UBR1: variants seen among roughly 807,000 people sequenced by gnomAD.
UBR1 encodes E3 ubiquitin-protein ligase UBR1.
In UBR1, 102 loss-of-function variants were observed where a neutral mutation model predicts 242.1. The observed-to-expected ratio is 0.42, with a 90% CI of 0.36 to 0.50. The LOEUF (loss-of-function observed/expected upper bound fraction) is 0.50, where lower values mean the gene tolerates loss of function less well. Among genes scored for constraint, UBR1 ranks in the 20% least tolerant of loss-of-function variants. UBR1 has a pLI of 0.01. For missense variants in UBR1, 1,772 were observed against 2,101.8 expected (o/e 0.84, Z 3.07); for synonymous variants, 675 against 684.8 (o/e 0.99, Z 0.22).
chr15:42,958,380 C>T (rs1013555407), intron 43 of UBR1, among the ~76,000 whole-genome samples: 1 of 152,150 alleles, frequency 6.6e-6, no homozygotes, highest in African/African-American at 2.4e-5. Flanking sequence ...TAGTTAAGAA[C>T]ACAGCCTTTG....
intron 1 of UBR1, among the ~76,000 whole-genome samples, chr15:43,103,017 A>C (rs2034257059): frequency 6.6e-6 from 1 of 152,070 alleles, no homozygotes; most frequent in South Asian, 2.1e-4. Flanking sequence ...AAAATACAAA[A>C]ATCAGCCAGG....
intron 30 of UBR1, among the ~76,000 whole-genome samples, chr15:43,005,364 C>T (rs548849144): frequency 6.6e-6 from 1 of 151,234 alleles, no homozygotes; most frequent in African/African-American, 2.4e-5. Flanking sequence ...GCCGCCCCAT[C>T]CGGGAGGGAG....
At chr15:42,951,887 T>C (rs1362587070) in intron 45 of UBR1, among the ~76,000 whole-genome samples, 2 of 152,162 alleles carry the variant, frequency 1.3e-5, no homozygotes, top group African/African-American at 4.8e-5. Context: ...GCTGGGATTA[T>C]AGGCATAAGT....
intron 45 of UBR1, among the ~76,000 whole-genome samples, chr15:42,951,567 G>A (rs1366167321): frequency 6.6e-6 from 1 of 152,158 alleles, no homozygotes; most frequent in Non-Finnish European, 1.5e-5. Context: ...TGAAAGACCA[G>A]GAGAAATGGT....
In UBR1 at chr15:43,014,522, C is replaced by T. The variant is rs188630276; in HGVS notation, c.3209+1166G>A. ...CCATCGTCTGAGATGTGGGGAGCGC[C>T]TCTGCCCCACCGCCCCGTCTGGGAT... On this transcript the variant is annotated intron_variant, in intron 29 of 46. Coordinates refer to ENST00000290650, the MANE Select transcript of UBR1 (RefSeq NM_174916.3). Among the ~76,000 whole-genome samples the T allele has an allele frequency of 1.8e-3, 271 of 152,040 alleles. 2 individuals carry two copies. The highest frequency in any genetic ancestry group is 6.3e-3 in the African/African-American group (260 of 41,472).
At chr15:43,027,169 AT>A (rs1374280109) in intron 22 of UBR1, among the ~76,000 whole-genome samples, 1 of 152,124 alleles carries the variant, frequency 6.6e-6, no homozygotes. Flanking sequence ...TGTTCTAAAC[AT>A]TAAACAGCTT....
At chr15:43,051,818 GA>G (rs1232450841) in intron 12 of UBR1, among the ~76,000 whole-genome samples, 2 of 152,210 alleles carry the variant, frequency 1.3e-5, no homozygotes, top group South Asian at 2.1e-4. Flanking sequence ...AAAGCAATGG[GA>G]AAAGAGGGAG....
intron 30 of UBR1, among the ~76,000 whole-genome samples, chr15:43,005,437 G>T (rs919627306): frequency 6.7e-6 from 1 of 148,790 alleles, no homozygotes; most frequent in Non-Finnish European, 1.5e-5. Context: ...GGCAGCCCCC[G>T]CCCGGCCAGC....
intron 20 of UBR1, among the ~76,000 whole-genome samples, chr15:43,031,579 T>C (rs1172035581): frequency 4.6e-5 from 7 of 152,228 alleles, no homozygotes; most frequent in African/African-American, 1.4e-4. Context: ...GTAGCTGGTC[T>C]AGCAACTAGC....
At chr15:43,104,405 C>G (rs1381411132) in intron 1 of UBR1, among the ~76,000 whole-genome samples, 1 of 152,204 alleles carries the variant, frequency 6.6e-6, no homozygotes, top group Non-Finnish European at 1.5e-5. Context: ...TCACAAACTA[C>G]CATTAAAATG....
In UBR1 at chr15:42,966,263, C is replaced by T. The variant is rs1428742525; in HGVS notation, c.4481G>A (p.Gly1494Asp). 3 of 1,614,074 alleles carry T rather than the reference C, an allele frequency of 1.9e-6. No homozygotes were observed. Among genetic ancestry groups the T allele is most frequent in the Non-Finnish European group, 1.7e-6 (2 of 1,180,030 alleles). Residue 1494 changes from glycine to aspartate, a missense_variant, in exon 41 of 47, where the codon GGC becomes GAC. Gly to Asp is a moderately conservative substitution (Grantham distance 94). Transcript: ENST00000290650. Reference protein sequence around the residue: ...TSGSIGCDIPGWYLWVSLKNG... With the variant: ...TSGSIGCDIPDWYLWVSLKNG... ...CTTCAGTGAGACCCACAAATACCAG[C>T]CAGGAATATCACACCCAATGGAGCT...
At chr15:43,085,832 C>T in intron 2 of UBR1, 152 bp downstream of exon 2, 1 of 839,638 alleles carries the variant, frequency 1.2e-6, no homozygotes, top group Non-Finnish European at 1.8e-6. Flanking sequence ...AGGAGAATTG[C>T]TTGAACCTGG....
chr15:43,014,751 G>A (rs1352050111), intron 29 of UBR1, among the ~76,000 whole-genome samples: 6 of 122,242 alleles, frequency 4.9e-5, no homozygotes, highest in South Asian at 2.9e-4. Context: ...AGTGAGGACC[G>A]TCTCCGCCCG....
intron 33 of UBR1, among the ~76,000 whole-genome samples, chr15:42,994,556 A>G (rs1291810352): frequency 2.6e-5 from 4 of 152,164 alleles, no homozygotes; most frequent in Admixed American, 1.3e-4. Context: ...CACTATCACT[A>G]TGTTTTTGTT....
At chr15:43,047,404 G>C in intron 13 of UBR1, 115 bp from the exon 14 acceptor site, 2 of 1,482,210 alleles carry the variant, frequency 1.3e-6, no homozygotes, top group Non-Finnish European at 1.9e-6. Context: ...TGTTACACTG[G>C]GTCAGAATGC....
At position 42,988,831 on chromosome 15, in the gene UBR1, T is replaced by G. The variant is rs541843760; in HGVS notation, c.3985A>C (p.Ile1329Leu). ...TTATGAGCTTTACCAATTGCCTGGATAGTGAAAGCGCAGGTGCTCCAGGTC... is the reference window on the plus strand; with the variant it reads ...TTATGAGCTTTACCAATTGCCTGGAGAGTGAAAGCGCAGGTGCTCCAGGTC... ...MLTWSTCAFTIQAIENLLGDE... is the reference protein window; with the variant it reads ...MLTWSTCAFTLQAIENLLGDE... The change falls in exon 35 of 47, where the codon ATC (isoleucine) becomes CTC (leucine). Residue 1329 changes from isoleucine (I) to leucine (L), a missense_variant. Physicochemically the swap from Ile to Leu is conservative, Grantham distance 5. Coordinates refer to ENST00000290650, the MANE Select transcript of UBR1 (RefSeq NM_174916.3). 1.2e-6 allele frequency: 2 copies of G among 1,614,200 alleles called. No individual in the cohort carries two copies. The highest frequency in any genetic ancestry group is 1.3e-5 in the African/African-American group (1 of 75,054).
intron 6 of UBR1, among the ~76,000 whole-genome samples, chr15:43,061,656 C>T (rs1445734133): frequency 1.3e-5 from 2 of 152,144 alleles, no homozygotes; most frequent in Non-Finnish European, 2.9e-5. Flanking sequence ...ACGGTATTTG[C>T]AGCAACCTGG....
intron 29 of UBR1, 39 bp from the exon 30 acceptor site, chr15:43,007,323 T>G: frequency 6.3e-7 from 1 of 1,596,804 alleles, no homozygotes; most frequent in South Asian, 1.1e-5. Flanking sequence ...ACACATGTTT[T>G]GGTCACTTGT....
At chr15:42,965,746 C>T (rs890032742) in intron 41 of UBR1, among the ~76,000 whole-genome samples, 11 of 152,146 alleles carry the variant, frequency 7.2e-5, no homozygotes, top group African/African-American at 1.7e-4. Context: ...GGATTATAGG[C>T]GTGAGCCACC....
Sources: allele counts gnomAD v4.1 joint callset (sites outside exome capture counted in the v4.1 genomes callset), GRCh38; gene constraint gnomAD v4.1.1; transcripts MANE v1.5; gene names NCBI Gene and HGNC (gene_info 2026-07-23, HGNC 2026-07-21).